Variants in SP3 observed in about 807,000 individuals in gnomAD.
The protein encoded by SP3 is Sp3 transcription factor, also known as transcription factor Sp3.
A neutral mutation model predicts 70.3 loss-of-function variants in SP3; 10 were observed. The ratio of observed to expected loss-of-function variants is 0.14; its 90% CI spans 0.09 to 0.24. The LOEUF (loss-of-function observed/expected upper bound fraction) is 0.24, where lower values mean the gene tolerates loss of function less well. Ranked by LOEUF, SP3 falls within the 10% of genes least tolerant of loss-of-function variation. The pLI is 1.00. For missense variants in SP3, 825 were observed against 914.6 expected, an observed-to-expected ratio of 0.90 and a Z score of 1.26; for synonymous variants, 402 against 333.5, an observed-to-expected ratio of 1.21 and a Z score of -2.24.
intron 4 of SP3, among the ~76,000 whole-genome samples, chr2:173,950,787 T>G (rs1345643359): frequency 6.6e-6 from 1 of 152,144 alleles, no homozygotes; most frequent in African/African-American, 2.4e-5. Context: ...AGAAAAAGCA[T>G]CTTAACATAT....
intron 5 of SP3, chr2:173,915,563 G>A (rs1283122716): frequency 6.6e-6 from 1 of 152,128 alleles, no homozygotes; most frequent in Non-Finnish European, 1.5e-5. Context: ...TAGAGTGGAA[G>A]CTAAACTGTG....
intron 6 of SP3, 110 bp downstream of exon 6, chr2:173,912,960 T>C (rs1689528525): frequency 2.9e-6 from 2 of 699,938 alleles, no homozygotes; most frequent in South Asian, 4.0e-5. Flanking sequence ...ATGTAATTCA[T>C]TGTATTTTAA....
chr2:173,948,763 TAATTATAA>T (rs1181191655), intron 4 of SP3, among the ~76,000 whole-genome samples: 1 of 118,556 alleles, frequency 8.4e-6, no homozygotes, highest in Non-Finnish European at 2.2e-5. Context: ...AGAAAATAAA[TAATTATAA>T]GTCTCAAAAT....
At chr2:173,920,274 A>C (rs1363394282) in intron 4 of SP3, among the ~76,000 whole-genome samples, 2 of 152,190 alleles carry the variant, frequency 1.3e-5, no homozygotes, top group African/African-American at 4.8e-5. Context: ...ATTAAAGGGG[A>C]GGGAGGGATG....
chr2:173,935,001 A>C (rs915072778), intron 4 of SP3, among the ~76,000 whole-genome samples: 4 of 152,188 alleles, frequency 2.6e-5, no homozygotes, highest in African/African-American at 9.6e-5. Flanking sequence ...ATAGCAGCAA[A>C]TTTTGCTTAG....
At chr2:173,964,923 C>A in intron 1 of SP3, 1 of 532,458 alleles carries the variant, frequency 1.9e-6, no homozygotes, top group Non-Finnish European at 3.2e-6. Context: ...GGGATGCGCT[C>A]CCGGCGGACC....
intron 3 of SP3, among the ~76,000 whole-genome samples, chr2:173,961,963 G>T: frequency 9.1e-6 from 1 of 109,516 alleles, no homozygotes; most frequent in Non-Finnish European, 2.0e-5. Flanking sequence ...TTTTTTTTAG[G>T]CAAAACTATT....
At chr2:173,948,074 C>G (rs1030688269) in intron 4 of SP3, among the ~76,000 whole-genome samples, 1 of 152,082 alleles carries the variant, frequency 6.6e-6, no homozygotes, top group Admixed American at 6.6e-5. Flanking sequence ...AAAAAAGAGC[C>G]CTACTCCAGG....
chr2:173,902,137 C>T lies in SP3; in HGVS notation c.*7804G>A, dbSNP rs1365702197. Among the ~76,000 whole-genome samples the T allele has an allele frequency of 6.6e-6, 1 of 152,212 alleles. No homozygotes were observed. On this transcript the variant is annotated 3_prime_UTR_variant, in exon 7 of 7. Coordinates refer to ENST00000310015, the MANE Select transcript of SP3 (RefSeq NM_003111.5). ...GTGAGAAAAACATGCATTGTTTCTG[C>T]TACAGTTAACAAATATTTGGTTATC... is the stretch of plus-strand genomic sequence containing the variant.
intron 4 of SP3, among the ~76,000 whole-genome samples, chr2:173,922,349 T>A (rs557076626): frequency 1.3e-5 from 2 of 151,378 alleles, no homozygotes; most frequent in Non-Finnish European, 1.5e-5. Context: ...AACTGAGATA[T>A]GGTAAACTGA....
At chr2:173,922,083 G>A (rs898363163) in intron 4 of SP3, among the ~76,000 whole-genome samples, 2 of 152,052 alleles carry the variant, frequency 1.3e-5, no homozygotes, top group African/African-American at 4.8e-5. Context: ...CCCAGTCCCA[G>A]ATATTTCTAT....
At chr2:173,946,537 C>T (rs182261552) in intron 4 of SP3, among the ~76,000 whole-genome samples, 1 of 152,060 alleles carries the variant, frequency 6.6e-6, no homozygotes, top group Admixed American at 6.5e-5. Flanking sequence ...CTACTTAATC[C>T]TACAGTAGTC....
intron 4 of SP3, among the ~76,000 whole-genome samples, chr2:173,922,532 G>C (rs995310734): frequency 3.3e-5 from 5 of 151,772 alleles, no homozygotes; most frequent in African/African-American, 9.7e-5. Flanking sequence ...GGCATTGAGA[G>C]TCATCTGGAA....
Position 173,964,421 on chromosome 2 carries a change from GCCGCCA to G in SP3, c.134_139del (p.Val45_Ala46del), listed in dbSNP as rs769218625. On this transcript the variant is annotated inframe_deletion, in exon 2 of 7. Coordinates refer to ENST00000310015, the MANE Select transcript of SP3 (RefSeq NM_003111.5). ...GCTCCTCACCTGGGCCGCCGCTGCC[GCCGCCA>G]CCGCACCGTTTCCGTGCTGTTGCTG... is the stretch of plus-strand genomic sequence containing the variant. 2.1e-5 allele frequency: 15 copies of G among 725,544 alleles called. No individual in the cohort carries two copies. The highest frequency in any genetic ancestry group is 3.0e-5 in the Non-Finnish European group (12 of 396,828). 44.9% of individuals were successfully genotyped at this position (725,544 alleles called of 1,614,324 possible).
chr2:173,938,645 G>A (rs145920465), intron 4 of SP3, among the ~76,000 whole-genome samples: 1 of 151,802 alleles, frequency 6.6e-6, no homozygotes, highest in African/African-American at 2.4e-5. Context: ...AGAAATACAT[G>A]TTAGCTATAA....
chr2:173,919,596 G>GT (rs1304760788), intron 4 of SP3, among the ~76,000 whole-genome samples: 2 of 151,884 alleles, frequency 1.3e-5, no homozygotes, highest in African/African-American at 4.8e-5. Flanking sequence ...ACCCATAAAA[G>GT]TAAGAAAAGG....
chr2:173,913,995 G>A (rs935362716), intron 5 of SP3: 1 of 151,922 alleles, frequency 6.6e-6, no homozygotes, highest in Non-Finnish European at 1.5e-5. Context: ...TCACAAAATT[G>A]GACATTTATT....
intron 4 of SP3, among the ~76,000 whole-genome samples, chr2:173,943,593 T>C (rs1442471800): frequency 6.6e-6 from 1 of 152,162 alleles, no homozygotes; most frequent in East Asian, 1.9e-4. Context: ...GGTATTCCAA[T>C]GTGCTGGAAT....
In SP3 at chr2:173,905,616, C is replaced by T. The variant is rs1362476177; in HGVS notation, c.*4325G>A. ...TGTTACATGACAATATACATGACAC[C>T]TTTTTAAAAAATATATTCATATCAT... On this transcript the variant is annotated 3_prime_UTR_variant, in exon 7 of 7. Transcript: ENST00000310015. Among the ~76,000 whole-genome samples, 1 of 151,834 alleles carries T rather than the reference C, an allele frequency of 6.6e-6. No individual in the cohort carries two copies. Among genetic ancestry groups the T allele is most frequent in the East Asian group, 1.9e-4 (1 of 5,180 alleles).
Sources: allele counts gnomAD v4.1 joint callset (sites outside exome capture counted in the v4.1 genomes callset), GRCh38; gene constraint gnomAD v4.1.1; transcripts MANE v1.5; gene names NCBI Gene and HGNC (gene_info 2026-07-23, HGNC 2026-07-21).